TMEM260: variants seen among roughly 807,000 people sequenced by gnomAD.
The protein encoded by TMEM260 is protein O-mannosyl-transferase TMEM260.
A neutral mutation model predicts 88.9 loss-of-function variants in TMEM260; 82 were observed. The observed-to-expected ratio is 0.92, with a 90% confidence interval of 0.77 to 1.11. TMEM260 has a LOEUF of 1.11. Among genes scored for constraint, TMEM260 ranks in the 50% least tolerant of loss-of-function variants. The pLI is 0.00. For synonymous variants in TMEM260, 314 were observed against 309.3 expected (o/e 1.02, Z -0.16); for missense variants, 902 against 853.4 (o/e 1.06, Z -0.71).
intron 12 of TMEM260, among the ~76,000 whole-genome samples, chr14:56,629,849 A>G (rs1168996487): frequency 6.6e-6 from 1 of 151,950 alleles, no homozygotes; most frequent in Non-Finnish European, 1.5e-5. Flanking sequence ...AACCTTGACT[A>G]CATAGGGAGA....
downstream of TMEM260, chr14:56,650,337 C>CT: frequency 3.8e-6 from 1 of 264,400 alleles, no homozygotes; most frequent in Non-Finnish European, 7.5e-6. Flanking sequence ...CCAAGGCTGG[C>CT]ACGCACCAGA....
rs1321226325 is a variant in TMEM260, at chr14:56,649,010, CA to C, written c.*1514del. On this transcript the variant is annotated 3_prime_UTR_variant, in exon 16 of 16. Transcript: ENST00000261556. ...GGGCTTTGTTGGTTTTGGCATCACACAGGGGAAGCTCTTGCCCCTCCATTCT... is the reference window on the plus strand; with the variant it reads ...GGGCTTTGTTGGTTTTGGCATCACACGGGGAAGCTCTTGCCCCTCCATTCT... 6.6e-6 allele frequency: 1 copy of C among 152,668 alleles called. No individual in the cohort carries two copies. The highest frequency in any genetic ancestry group is 1.5e-5 in the Non-Finnish European group (1 of 68,088). 9.5% of individuals were successfully genotyped at this position (152,668 alleles called of 1,614,324 possible). A position where few individuals can be genotyped will look rare whatever the true frequency, so the allele number is the denominator to read the frequency against.
chr14:56,605,603 A>T lies in TMEM260; in HGVS notation c.556A>T (p.Ser186Cys). 1 of 1,577,040 alleles carries T rather than the reference A, an allele frequency of 6.3e-7. No homozygotes were observed. Among genetic ancestry groups the T allele is most frequent in the South Asian group, 1.2e-5 (1 of 82,062 alleles). Residue 186 changes from serine (S) to cysteine (C), a missense_variant, in exon 5 of 16, where the codon AGT becomes TGT. Physicochemically the swap from Ser to Cys is moderately radical, Grantham distance 112. Coordinates refer to ENST00000261556, the MANE Select transcript of TMEM260 (RefSeq NM_017799.4). ...AKIGAFCCGL[S>C]LCNQHTIILY... ...AATTGGTGCTTTCTGCTGTGGCCTT[A>T]GTTTATGTAACCAGCACACAATAAT...
At chr14:56,624,566 C>T (rs775735499) in intron 11 of TMEM260, among the ~76,000 whole-genome samples, 1 of 152,016 alleles carries the variant, frequency 6.6e-6, no homozygotes, top group Non-Finnish European at 1.5e-5. Context: ...GAGACTGTCT[C>T]AAAATAATAA....
intron 13 of TMEM260, 56 bp from the exon 14 acceptor site, chr14:56,634,843 A>G: frequency 6.8e-6 from 2 of 296,146 alleles, no homozygotes; most frequent in Non-Finnish European, 5.3e-6. Flanking sequence ...ATTCTGTCTC[A>G]AAAAAAAAAA....
intron 4 of TMEM260, among the ~76,000 whole-genome samples, chr14:56,605,165 AC>A (rs1886816889): frequency 6.6e-6 from 1 of 152,194 alleles, no homozygotes; most frequent in Non-Finnish European, 1.5e-5. Flanking sequence ...CAAAACCAAC[AC>A]CCAGAGATAA....
At chr14:56,614,174 G>T (rs1887458939) in intron 7 of TMEM260, among the ~76,000 whole-genome samples, 1 of 149,078 alleles carries the variant, frequency 6.7e-6, no homozygotes, top group Admixed American at 6.7e-5. Flanking sequence ...CTCCCAAAGT[G>T]CTGGGATTAC....
At chr14:56,659,999 C>T in the TMEM260 span, among the ~76,000 whole-genome samples, 1 of 152,014 alleles carries the variant, frequency 6.6e-6, no homozygotes, top group African/African-American at 2.4e-5. Context: ...AAAGGTAAGT[C>T]CTTGTAGCGA....
At chr14:56,609,659 C>A (rs1887129455) in intron 6 of TMEM260, among the ~76,000 whole-genome samples, 1 of 152,112 alleles carries the variant, frequency 6.6e-6, no homozygotes, top group African/African-American at 2.4e-5. Flanking sequence ...AAAAATTTTC[C>A]TTGACCAAAC....
In TMEM260 at chr14:56,596,412, A is replaced by G. The variant is rs370492529; in HGVS notation, c.345-7403A>G. 7.4e-3 allele frequency among the ~76,000 whole-genome samples: 681 copies of G among 92,534 alleles called. 4 individuals are homozygous for G. Among genetic ancestry groups the G allele is most frequent in the Middle Eastern group, 0.045 (8 of 176 alleles). The allele number at this position is 92,534 out of a possible 152,430, so 60.7% of individuals were successfully genotyped here. On this transcript the variant is annotated intron_variant, in intron 3 of 15. Transcript: ENST00000261556. ...TGTGTGTGTGTGTGTGTGTGTATATATATATATATATATACATACACACAC... is the reference window on the plus strand; with the variant it reads ...TGTGTGTGTGTGTGTGTGTGTATATGTATATATATATATACATACACACAC...
In TMEM260 at chr14:56,600,075, A is replaced by G. The variant is rs548601376; in HGVS notation, c.345-3740A>G. Among the ~76,000 whole-genome samples, 73 of 152,338 alleles carry G rather than the reference A, an allele frequency of 4.8e-4. 1 individual carries two copies. Among genetic ancestry groups the G allele is most frequent in the African/African-American group, 1.7e-3 (70 of 41,578 alleles). Reference sequence around the variant, plus strand: ...AAACTTTTAAAGGCAGTGTGTTGAAATATGTGCATTTTAAGGAGCATTCAG... The same window carrying G: ...AAACTTTTAAAGGCAGTGTGTTGAAGTATGTGCATTTTAAGGAGCATTCAG... On this transcript the variant is annotated intron_variant, in intron 3 of 15. Coordinates refer to ENST00000261556, the MANE Select transcript of TMEM260 (RefSeq NM_017799.4).
intron 3 of TMEM260, among the ~76,000 whole-genome samples, chr14:56,589,353 A>G (rs935332189): frequency 6.6e-6 from 1 of 152,266 alleles, no homozygotes; most frequent in African/African-American, 2.4e-5. Context: ...AAATGGAACT[A>G]TAGAATTCAT....
At chr14:56,604,346 G>A (rs1443816956) in intron 4 of TMEM260, among the ~76,000 whole-genome samples, 1 of 152,052 alleles carries the variant, frequency 6.6e-6, no homozygotes, top group African/African-American at 2.4e-5. Flanking sequence ...CCTTAAATTA[G>A]GATGCATTGA....
chr14:56,604,959 C>CTCAA (rs1420688416), intron 4 of TMEM260, among the ~76,000 whole-genome samples: 1 of 152,196 alleles, frequency 6.6e-6, no homozygotes, highest in Non-Finnish European at 1.5e-5. Context: ...GGATGAAGAA[C>CTCAA]TTGATCAGAT....
chr14:56,645,957 C>A (rs1384648833), intron 15 of TMEM260, among the ~76,000 whole-genome samples: 1 of 152,048 alleles, frequency 6.6e-6, no homozygotes, highest in African/African-American at 2.4e-5. Context: ...TTTTTTCTTT[C>A]TTTTTTATTT....
At chr14:56,626,384 T>C (rs1888246369) in intron 12 of TMEM260, among the ~76,000 whole-genome samples, 1 of 152,202 alleles carries the variant, frequency 6.6e-6, no homozygotes, top group Non-Finnish European at 1.5e-5. Flanking sequence ...AGTTGGCATT[T>C]TTGTGAATTT....
In TMEM260 at chr14:56,607,978, A is replaced by G. The variant is rs555015139; in HGVS notation, c.637-1128A>G. 2.0e-5 allele frequency among the ~76,000 whole-genome samples: 3 copies of G among 152,354 alleles called. No homozygotes were observed. The East Asian group carries it at 5.8e-4, about 29-fold the overall frequency. On this transcript the variant is annotated intron_variant, in intron 5 of 15. Coordinates refer to ENST00000261556, the MANE Select transcript of TMEM260 (RefSeq NM_017799.4). Reference sequence around the variant, plus strand: ...AAATTCAACTTTATAATATGCAGAAACTGTGCAAAAATAAGCATTTACTTT... The same window carrying G: ...AAATTCAACTTTATAATATGCAGAAGCTGTGCAAAAATAAGCATTTACTTT...
intron 12 of TMEM260, among the ~76,000 whole-genome samples, chr14:56,629,421 T>C (rs549844321): frequency 6.6e-6 from 1 of 152,184 alleles, no homozygotes; most frequent in Non-Finnish European, 1.5e-5. Flanking sequence ...GTGTTACATA[T>C]TATGTCAGAT....
At chr14:56,636,927 T>C (rs1225416404) in intron 15 of TMEM260, among the ~76,000 whole-genome samples, 2 of 152,162 alleles carry the variant, frequency 1.3e-5, no homozygotes, top group Non-Finnish European at 2.9e-5. Context: ...CCCCAGATTA[T>C]CCAGGTGGGC....
Sources: allele counts gnomAD v4.1 joint callset (sites outside exome capture counted in the v4.1 genomes callset), GRCh38; gene constraint gnomAD v4.1.1; transcripts MANE v1.5; gene names NCBI Gene and HGNC (gene_info 2026-07-23, HGNC 2026-07-21).